CACNA2D1: variants seen among roughly 807,000 people sequenced by gnomAD.
CACNA2D1 encodes the protein calcium voltage-gated channel auxiliary subunit alpha2delta 1.
Under a neutral mutation model 171.5 loss-of-function variants are expected in CACNA2D1, and 53 were observed. The observed-to-expected ratio is 0.31, with a 90% CI of 0.25 to 0.39. The LOEUF (loss-of-function observed/expected upper bound fraction) is 0.39, where lower values mean the gene tolerates loss of function less well. CACNA2D1 is among the 10% of genes least tolerant of loss of function. The pLI is 1.00. For missense variants in CACNA2D1, 903 were observed against 1,299.8 expected, an observed-to-expected ratio of 0.69 and a Z score of 4.69; for synonymous variants, 442 against 443.1, an observed-to-expected ratio of 1.00 and a Z score of 0.03.
At chr7:82,060,211 A>AATATATATATT (rs1806624857) in intron 10 of CACNA2D1, among the ~76,000 whole-genome samples, 5 of 31,366 alleles carry the variant, frequency 1.6e-4, no homozygotes, top group African/African-American at 4.2e-4. Context: ...TTATATATAT[A>AATATATATATT]ATATATATAT....
At chr7:82,248,245 T>C (rs1313220323) in intron 3 of CACNA2D1, among the ~76,000 whole-genome samples, 2 of 152,236 alleles carry the variant, frequency 1.3e-5, no homozygotes, top group Admixed American at 6.5e-5. Context: ...GACTGTTTTT[T>C]CTAAATTGTT....
chr7:82,194,336 C>T (rs1297023987), intron 3 of CACNA2D1, among the ~76,000 whole-genome samples: 1 of 152,004 alleles, frequency 6.6e-6, no homozygotes, highest in Non-Finnish European at 1.5e-5. Context: ...AAATGACAAA[C>T]TCCTGCATGT....
intron 3 of CACNA2D1, among the ~76,000 whole-genome samples, chr7:82,293,680 C>T (rs1399065758): frequency 6.6e-6 from 1 of 152,176 alleles, no homozygotes; most frequent in Non-Finnish European, 1.5e-5. Flanking sequence ...TCTCTTAGCT[C>T]CAGCTATCTC....
At chr7:82,118,163 C>A (rs1023740715) in intron 5 of CACNA2D1, among the ~76,000 whole-genome samples, 5 of 152,028 alleles carry the variant, frequency 3.3e-5, no homozygotes, top group African/African-American at 1.2e-4. Flanking sequence ...CAAGAAAACC[C>A]CTCAGGAGTC....
intron 7 of CACNA2D1, among the ~76,000 whole-genome samples, chr7:82,069,835 G>A (rs979941774): frequency 1.3e-5 from 2 of 151,780 alleles, no homozygotes; most frequent in African/African-American, 4.8e-5. Context: ...AAGTTCAAAT[G>A]TATTTTTTCT....
chr7:82,022,726 G>C (rs368509451), intron 12 of CACNA2D1, among the ~76,000 whole-genome samples: 2 of 151,856 alleles, frequency 1.3e-5, no homozygotes, highest in East Asian at 1.9e-4. Context: ...TTGGATCTGA[G>C]AGCAAAATAG....
chr7:82,235,249 C>A (rs1386456141), intron 3 of CACNA2D1, among the ~76,000 whole-genome samples: 2 of 152,054 alleles, frequency 1.3e-5, no homozygotes, highest in Admixed American at 6.6e-5. Context: ...AAAATAAACT[C>A]CTCTCTGCAG....
rs568651922 is a variant in CACNA2D1, at chr7:82,391,750, T to C, written c.96-42101A>G. Among the ~76,000 whole-genome samples the C allele has an allele frequency of 2.0e-5, 3 of 152,242 alleles. No individual in the cohort carries two copies. In the South Asian group the frequency reaches 6.2e-4, roughly 32 times the overall value. On this transcript the variant is annotated intron_variant, in intron 1 of 38. Transcript: ENST00000356860. ...AAGGGAGATCTTAAGAACTAAAACA[T>C]CAACCAGAAAAGTCAATTAGCAAGG...
rs1166204645 is a variant in CACNA2D1 at position 81,950,463 on chromosome 7, G to C, written c.3205C>G (p.Leu1069Val). The C allele has an allele frequency of 6.2e-7, 1 of 1,613,072 alleles. No homozygotes were observed. The highest frequency in any genetic ancestry group is 1.7e-4 in the Middle Eastern group (1 of 6,056). The change falls in exon 39 of 39, where the codon CTG becomes GTG. Residue 1069 changes from leucine (L) to valine (V), a missense_variant. By Grantham distance (32) the Leu-to-Val change is conservative. Transcript: ENST00000356860. ...AACTGGATTCCAATGATATACCACAGGGAGGGATTTAATCCAGAAACACCA... is the reference window on the plus strand; with the variant it reads ...AACTGGATTCCAATGATATACCACACGGAGGGATTTAATCCAGAAACACCA... ...CGGVSGLNPS[L>V]WYIIGIQFLL...
chr7:81,968,099 T>C (rs1420711787), intron 29 of CACNA2D1, among the ~76,000 whole-genome samples: 1 of 151,322 alleles, frequency 6.6e-6, no homozygotes, highest in East Asian at 1.9e-4. Flanking sequence ...GAATAACTGA[T>C]TTAGTAAGTA....
chr7:81,985,679 AT>A (rs994142852), intron 21 of CACNA2D1, among the ~76,000 whole-genome samples: 4 of 152,186 alleles, frequency 2.6e-5, no homozygotes, highest in African/African-American at 9.7e-5. Context: ...AAACTAAGTC[AT>A]AGTATTTATT....
chr7:82,179,858 A>C (rs1271166942), intron 3 of CACNA2D1, among the ~76,000 whole-genome samples: 1 of 152,038 alleles, frequency 6.6e-6, no homozygotes, highest in African/African-American at 2.4e-5. Context: ...GAGAAGTTAG[A>C]CTCGTCATAA....
At chr7:81,963,408 C>T (rs570951538) in intron 34 of CACNA2D1, among the ~76,000 whole-genome samples, 6 of 151,628 alleles carry the variant, frequency 4.0e-5, no homozygotes, top group Admixed American at 1.3e-4. Context: ...GGATTCCAGA[C>T]GTAACAGGAG....
At position 81,978,861 on chromosome 7, in the gene CACNA2D1, C is replaced by T. The variant is rs1796150344; in HGVS notation, c.1955+3706G>A. 5.4e-5 allele frequency among the ~76,000 whole-genome samples: 8 copies of T among 149,434 alleles called. No homozygotes were observed. The South Asian group carries it at 1.7e-3, about 32-fold the overall frequency. ...ATAATCAAGCCCATAAAGGGCTTAA[C>T]ATATGTTAATTGAAGTGGACATTCA... On this transcript the variant is annotated intron_variant, in intron 24 of 38. Coordinates refer to ENST00000356860, the MANE Select transcript of CACNA2D1 (RefSeq NM_000722.4).
intron 1 of CACNA2D1, among the ~76,000 whole-genome samples, chr7:82,359,030 GC>G (rs952563428): frequency 1.2e-4 from 19 of 152,198 alleles, no homozygotes; most frequent in African/African-American, 4.6e-4. Context: ...GTTCCCTGAA[GC>G]CTTGAGGGTT....
At chr7:82,191,758 G>A (rs185120626) in intron 3 of CACNA2D1, among the ~76,000 whole-genome samples, 25 of 151,818 alleles carry the variant, frequency 1.6e-4, no homozygotes, top group Admixed American at 6.6e-4. Flanking sequence ...ATAAACAGAC[G>A]TTTGAAAGCA....
chr7:82,288,070 G>C (rs1453284112), intron 3 of CACNA2D1, among the ~76,000 whole-genome samples: 1 of 149,508 alleles, frequency 6.7e-6, no homozygotes, highest in Non-Finnish European at 1.5e-5. Context: ...TCGATCTCCT[G>C]ACCTCGTGAT....
intron 1 of CACNA2D1, among the ~76,000 whole-genome samples, chr7:82,351,606 C>A (rs995185596): frequency 1.3e-5 from 2 of 151,716 alleles, no homozygotes; most frequent in African/African-American, 4.8e-5. Flanking sequence ...TATCAAGAAA[C>A]AAAAACAAAT....
rs1247123646 is a variant in CACNA2D1 at position 82,181,041 on chromosome 7, A to T, written c.295-10432T>A. Among the ~76,000 whole-genome samples the T allele has an allele frequency of 8.7e-3, 121 of 13,948 alleles. 2 individuals are homozygous for T. In the East Asian group the frequency reaches 0.12, roughly 14 times the overall value. The allele number at this position is 13,948 out of a possible 152,430, so 9.2% of individuals were successfully genotyped here. A position where few individuals can be genotyped will look rare whatever the true frequency, so the allele number is the denominator to read the frequency against. Reference sequence around the variant, plus strand: ...GGTCAGCAGCTGTGGGGCATGTCGGATTTTTTTTTTTTTTTTTTTTTTTTT... The same window carrying T: ...GGTCAGCAGCTGTGGGGCATGTCGGTTTTTTTTTTTTTTTTTTTTTTTTTT... On this transcript the variant is annotated intron_variant, in intron 3 of 38. Coordinates refer to ENST00000356860, the MANE Select transcript of CACNA2D1 (RefSeq NM_000722.4).
Sources: gnomAD v4.1 joint callset for allele counts (sites outside exome capture counted in the v4.1 genomes callset) on GRCh38, gnomAD v4.1.1 for gene constraint, MANE v1.5 for transcripts, NCBI Gene and HGNC (gene_info 2026-07-23, HGNC 2026-07-21) for gene names.